The following ODR4 variants were observed in gnomAD, a reference collection of about 807,000 sequenced individuals.
The protein encoded by ODR4 is protein odr-4 homolog.
Under a neutral mutation model 60.2 loss-of-function variants are expected in ODR4, and 47 were observed. That is an observed-to-expected ratio of 0.78 (90% CI 0.62 to 1.00). The LOEUF (loss-of-function observed/expected upper bound fraction) is 1.00. ODR4 is among the 50% of genes least tolerant of loss of function. The pLI is 0.00. For missense variants in ODR4, 488 were observed against 530.8 expected (o/e 0.92, Z 0.79); for synonymous variants, 178 against 175.5 (o/e 1.01, Z -0.11).
At chr1:186,379,915 A>T in intron 2 of ODR4, 31 bp downstream of exon 2, 1 of 1,187,890 alleles carries the variant, frequency 8.4e-7, no homozygotes, top group South Asian at 1.5e-5. Context: ...ATTTATAACT[A>T]AATAATTACT....
chr1:186,411,559 C>A lies in ODR4; in HGVS notation c.1186+5291C>A, dbSNP rs148016892. Among the ~76,000 whole-genome samples, 28 of 151,748 alleles carry A rather than the reference C, an allele frequency of 1.8e-4. No individual in the cohort carries two copies. In the East Asian group the frequency reaches 5.2e-3, roughly 28 times the overall value. On this transcript the variant is annotated intron_variant, in intron 12 of 13. Coordinates refer to ENST00000287859, the MANE Select transcript of ODR4 (RefSeq NM_017847.6). Reference sequence around the variant, plus strand: ...TATATATAGTAAATATATTTTAATCCTCTTTCTTGGGTTCCCTCAGTAAGC... The same window carrying A: ...TATATATAGTAAATATATTTTAATCATCTTTCTTGGGTTCCCTCAGTAAGC...
At chr1:186,413,725 A>ATGG (rs1661453486) in intron 12 of ODR4, among the ~76,000 whole-genome samples, 1 of 152,236 alleles carries the variant, frequency 6.6e-6, no homozygotes. Context: ...ATATAATTTT[A>ATGG]TGGCTACATC....
In ODR4 at chr1:186,379,899, C is replaced by T. The variant is rs762932745; in HGVS notation, c.99+15C>T. 4.3e-6 allele frequency: 6 copies of T among 1,399,192 alleles called. No individual in the cohort carries two copies. The highest frequency in any genetic ancestry group is 4.5e-5 in the Admixed American group (2 of 44,162). The allele number at this position is 1,399,192 out of a possible 1,614,324, so 86.7% of individuals were successfully genotyped here. A position where few individuals can be genotyped will look rare whatever the true frequency, so the allele number is the denominator to read the frequency against. ...TAATAGGACAGGTATGTATCTTTTA[C>T]TCTGCATTTATAACTAAATAATTAC... On this transcript the variant is annotated intron_variant, in intron 2 of 13. Transcript: ENST00000287859.
chr1:186,405,940 T>A (rs1661158665), intron 11 of ODR4, 143 bp from the exon 12 acceptor site: 1 of 566,338 alleles, frequency 1.8e-6, no homozygotes, highest in Admixed American at 4.1e-5. Context: ...AGAGCAATTT[T>A]GTGCCAGATC....
intron 11 of ODR4, chr1:186,400,767 G>T (rs1660912283): frequency 1.7e-5 from 5 of 293,908 alleles, no homozygotes; most frequent in South Asian, 1.6e-4. Flanking sequence ...TATCCTTCTC[G>T]TAATTCACAA....
At chr1:186,395,278 T>C (rs1660627041) in intron 9 of ODR4, among the ~76,000 whole-genome samples, 1 of 3,292 alleles carries the variant, frequency 3.0e-4, no homozygotes, top group Non-Finnish European at 4.6e-4. Context: ...GTATTTTTAG[T>C]AGAGACGGGT....
chr1:186,407,590 A>C (rs912890747), intron 12 of ODR4, among the ~76,000 whole-genome samples: 6 of 152,090 alleles, frequency 3.9e-5, no homozygotes, highest in Non-Finnish European at 8.8e-5. Flanking sequence ...TTCAGATTCT[A>C]TTCTTCTTTA....
chr1:186,399,745 A>T (rs1343503215), intron 11 of ODR4, among the ~76,000 whole-genome samples: 4 of 152,108 alleles, frequency 2.6e-5, no homozygotes. Flanking sequence ...TTTAGTAGGT[A>T]CTATTTATAT....
rs1660574262 is a variant in ODR4 at position 186,394,033 on chromosome 1, A to G, written c.780+18A>G. 5 of 1,259,488 alleles carry G rather than the reference A, an allele frequency of 4.0e-6. No individual in the cohort carries two copies. Among genetic ancestry groups the G allele is most frequent in the Non-Finnish European group, 4.5e-6 (4 of 893,698 alleles). The allele number at this position is 1,259,488 out of a possible 1,614,324, so 78.0% of individuals were successfully genotyped here. A position where few individuals can be genotyped will look rare whatever the true frequency, so the allele number is the denominator to read the frequency against. ...CGCAGTTGGTAAATATTTTAAAATA[A>G]CACTTAAAATATTTATTAGCATAAC... On this transcript the variant is annotated intron_variant, in intron 9 of 13. Transcript: ENST00000287859.
intron 11 of ODR4, among the ~76,000 whole-genome samples, chr1:186,403,309 G>A (rs779685152): frequency 6.6e-6 from 1 of 151,888 alleles, no homozygotes; most frequent in African/African-American, 2.4e-5. Flanking sequence ...AGGTATATGA[G>A]ATGTTTTGTT....
At chr1:186,422,668 G>A (rs935372030), downstream of ODR4, among the ~76,000 whole-genome samples, 1 of 152,010 alleles carries the variant, frequency 6.6e-6, no homozygotes, top group Non-Finnish European at 1.5e-5. Context: ...AGGAGAAAAA[G>A]AAATACTTAA....
At chr1:186,385,314 C>T (rs988465451) in intron 3 of ODR4, among the ~76,000 whole-genome samples, 2 of 146,592 alleles carry the variant, frequency 1.4e-5, no homozygotes, top group Non-Finnish European at 3.0e-5. Context: ...TAGTATGCTG[C>T]TAAAAATAGG....
At chr1:186,406,988 T>C (rs1468534390) in intron 12 of ODR4, among the ~76,000 whole-genome samples, 1 of 152,182 alleles carries the variant, frequency 6.6e-6, no homozygotes. Context: ...CCTTCAGGAA[T>C]AGGGTGTTTG....
chr1:186,398,356 G>A lies in ODR4; in HGVS notation c.824G>A (p.Cys275Tyr), dbSNP rs1435800873. The change falls in exon 10 of 14, where the codon TGT becomes TAT. Residue 275 changes from cysteine (C) to tyrosine (Y), a missense_variant. Coordinates refer to ENST00000287859, the MANE Select transcript of ODR4 (RefSeq NM_017847.6). ...DHRSTATVQI[C>Y]SGSVNLKGAV... Reference sequence around the variant, plus strand: ...AGATCCACAGCCACAGTCCAGATATGTAGCGGTTCTGTAAACCTTAAGGGT... The same window carrying A: ...AGATCCACAGCCACAGTCCAGATATATAGCGGTTCTGTAAACCTTAAGGGT... 8 of 1,610,926 alleles carry A rather than the reference G, an allele frequency of 5.0e-6. No individual in the cohort carries two copies. Among genetic ancestry groups the A allele is most frequent in the Non-Finnish European group, 6.8e-6 (8 of 1,178,328 alleles).
intron 11 of ODR4, chr1:186,401,152 G>C (rs752940375): frequency 2.5e-6 from 4 of 1,595,124 alleles, no homozygotes; most frequent in South Asian, 2.2e-5. Flanking sequence ...TGGCTATCCT[G>C]GTATTCTTTC....
At chr1:186,415,406 T>C (rs1661526715) in intron 12 of ODR4, among the ~76,000 whole-genome samples, 1 of 152,214 alleles carries the variant, frequency 6.6e-6, no homozygotes, top group Non-Finnish European at 1.5e-5. Flanking sequence ...ATAGGCTATT[T>C]TACTTTAAAT....
chr1:186,381,451 C>A (rs558405418), intron 2 of ODR4, among the ~76,000 whole-genome samples: 56 of 152,192 alleles, frequency 3.7e-4, no homozygotes, highest in African/African-American at 1.3e-3. Flanking sequence ...CCTCAGCCTC[C>A]CGAGTAGCTG....
chr1:186,428,447 C>A, the ODR4 span, among the ~76,000 whole-genome samples: 10 of 152,284 alleles, frequency 6.6e-5, no homozygotes, highest in Non-Finnish European at 1.3e-4. Context: ...CTGGACTAGG[C>A]TTTGTCTTAA....
chr1:186,403,859 A>G (rs1349892884), intron 11 of ODR4, among the ~76,000 whole-genome samples: 3 of 152,064 alleles, frequency 2.0e-5, no homozygotes, highest in Admixed American at 6.6e-5. Context: ...ACCTTTGCCC[A>G]TCCCCACATC....
Sources: allele counts gnomAD v4.1 joint callset (sites outside exome capture counted in the v4.1 genomes callset), GRCh38; gene constraint gnomAD v4.1.1; transcripts MANE v1.5; gene names NCBI Gene and HGNC (gene_info 2026-07-23, HGNC 2026-07-21).